Variants in CHRM3 observed in about 807,000 individuals in gnomAD.
CHRM3 encodes muscarinic acetylcholine receptor M3.
Under a neutral mutation model 41.8 loss-of-function variants are expected in CHRM3, and 11 were observed. The ratio of observed to expected loss-of-function variants is 0.26; its 90% CI spans 0.17 to 0.44. The LOEUF is 0.44. Ranked by LOEUF, CHRM3 falls within the 20% of genes least tolerant of loss-of-function variation. The pLI is 1.00. For missense variants in CHRM3, 571 were observed against 745.4 expected (o/e 0.77, Z 2.72); for synonymous variants, 297 against 301.4 (o/e 0.99, Z 0.15).
chr1:239,471,607 G>A lies in CHRM3; in HGVS notation c.-520-21102G>A, dbSNP rs550943631. 2.0e-5 allele frequency among the ~76,000 whole-genome samples: 3 copies of A among 152,272 alleles called. No individual in the cohort carries two copies. The East Asian group carries it at 5.8e-4, about 29-fold the overall frequency. On this transcript the variant is annotated intron_variant, in intron 1 of 6. Coordinates refer to ENST00000676153, the MANE Select transcript of CHRM3 (RefSeq NM_001375978.1). ...GGAAAATACTGGGTAGTGAGTGAGA[G>A]TAGGGGAAAGCATCTTCAAGATTTC...
At chr1:239,795,331 C>T (rs1189135758) in intron 5 of CHRM3, among the ~76,000 whole-genome samples, 2 of 152,148 alleles carry the variant, frequency 1.3e-5, no homozygotes, top group Non-Finnish European at 2.9e-5. Context: ...GTTTGTTTTT[C>T]TCAAGATCTT....
intron 5 of CHRM3, among the ~76,000 whole-genome samples, chr1:239,734,323 A>G (rs1664221800): frequency 6.6e-6 from 1 of 152,130 alleles, no homozygotes; most frequent in African/African-American, 2.4e-5. Flanking sequence ...GAAAGGACTC[A>G]GAGCCAACTT....
chr1:239,472,744 G>A (rs1666212343), intron 1 of CHRM3, among the ~76,000 whole-genome samples: 2 of 151,846 alleles, frequency 1.3e-5, no homozygotes, highest in African/African-American at 4.8e-5. Flanking sequence ...TGGAGGAGGG[G>A]GAGAGCAGTA....
intron 3 of CHRM3, among the ~76,000 whole-genome samples, chr1:239,566,355 A>G (rs1375375069): frequency 6.6e-6 from 1 of 152,238 alleles, no homozygotes; most frequent in Non-Finnish European, 1.5e-5. Flanking sequence ...CCAGCAAGAC[A>G]TTACTCACTT....
rs562945621 is a variant in CHRM3, at chr1:239,889,174, G to T, written c.-19-18259G>T. On this transcript the variant is annotated intron_variant, in intron 6 of 6. Coordinates refer to ENST00000676153, the MANE Select transcript of CHRM3 (RefSeq NM_001375978.1). ...CGGATCCACAGTGGAATGCAGGGGG[G>T]TTTATAGATGCCTGGTGAGGAGGTG... Among the ~76,000 whole-genome samples the T allele has an allele frequency of 1.3e-3, 193 of 152,258 alleles. 1 individual carries two copies. Among genetic ancestry groups the T allele is most frequent in the African/African-American group, 4.5e-3 (187 of 41,526 alleles).
intron 5 of CHRM3, among the ~76,000 whole-genome samples, chr1:239,684,342 G>A (rs1171935511): frequency 6.6e-6 from 1 of 152,092 alleles, no homozygotes; most frequent in African/African-American, 2.4e-5. Context: ...ATGTCTCAGG[G>A]ATTGCCTTAA....
Position 239,910,342 on chromosome 1 carries a change from CA to C in CHRM3, c.*1129del, listed in dbSNP as rs373028645. 624 of 142,532 alleles carry C rather than the reference CA, an allele frequency of 4.4e-3. 1 individual carries two copies. Among genetic ancestry groups the C allele is most frequent in the African/African-American group, 6.5e-3 (237 of 36,194 alleles). The allele number at this position is 142,532 out of a possible 1,614,324, so 8.8% of individuals were successfully genotyped here. ...GTGTATATATATATATATGGCAAAG[CA>C]AAAAAAAAAACATGGTAAGAGAGAA... On this transcript the variant is annotated 3_prime_UTR_variant, in exon 7 of 7. Coordinates refer to ENST00000676153, the MANE Select transcript of CHRM3 (RefSeq NM_001375978.1).
chr1:239,583,902 C>A (rs1336970491), intron 3 of CHRM3, among the ~76,000 whole-genome samples: 1 of 151,990 alleles, frequency 6.6e-6, no homozygotes, highest in Non-Finnish European at 1.5e-5. Flanking sequence ...TTATCCTACC[C>A]TGCTGGCCAG....
At chr1:239,766,708 G>C (rs1431661907) in intron 5 of CHRM3, among the ~76,000 whole-genome samples, 1 of 89,262 alleles carries the variant, frequency 1.1e-5, no homozygotes, top group Non-Finnish European at 3.2e-5. Context: ...TATAGATATA[G>C]ATATAGATAT....
Position 239,910,416 on chromosome 1 carries a change from A to T in CHRM3, c.*1192A>T, listed in dbSNP as rs945277125. On this transcript the variant is annotated 3_prime_UTR_variant, in exon 7 of 7. Transcript: ENST00000676153. Reference sequence around the variant, plus strand: ...TTCTTGCTGAATGGCACCTTCTCAAAGAAAATAGGGCTTGCACCTTTGTTA... The same window carrying T: ...TTCTTGCTGAATGGCACCTTCTCAATGAAAATAGGGCTTGCACCTTTGTTA... The T allele has an allele frequency of 6.0e-6, 1 of 166,416 alleles. No homozygotes were observed. The highest frequency in any genetic ancestry group is 1.5e-5 in the Non-Finnish European group (1 of 68,024). 10.3% of individuals were successfully genotyped at this position (166,416 alleles called of 1,614,324 possible).
chr1:239,689,550 T>C (rs924200311), intron 5 of CHRM3, among the ~76,000 whole-genome samples: 1 of 152,224 alleles, frequency 6.6e-6, no homozygotes, highest in African/African-American at 2.4e-5. Flanking sequence ...CAGTTATGCC[T>C]CAAATGTATT....
At chr1:239,743,771 CTTTTTCTTTTTT>C (rs1665075711) in intron 5 of CHRM3, among the ~76,000 whole-genome samples, 3 of 128,848 alleles carry the variant, frequency 2.3e-5, no homozygotes, top group South Asian at 2.6e-4. Context: ...TTTTCTTTTT[CTTTTTCTTTTTT>C]TTTTCTTTTT....
intron 3 of CHRM3, among the ~76,000 whole-genome samples, chr1:239,614,980 G>C (rs1667474531): frequency 2.6e-5 from 4 of 152,046 alleles, no homozygotes; most frequent in Admixed American, 2.6e-4. Flanking sequence ...ATTTATAAAA[G>C]GAAAATGGAA....
chr1:239,597,718 A>G (rs1454329076), intron 3 of CHRM3, among the ~76,000 whole-genome samples: 1 of 151,842 alleles, frequency 6.6e-6, no homozygotes, highest in African/African-American at 2.4e-5. Flanking sequence ...ATGCTTTAGT[A>G]ATTCTTAACT....
At chr1:239,479,567 G>A (rs892998394) in intron 1 of CHRM3, among the ~76,000 whole-genome samples, 1 of 152,134 alleles carries the variant, frequency 6.6e-6, no homozygotes, top group Non-Finnish European at 1.5e-5. Flanking sequence ...TTATTATTAG[G>A]TGAACAGCAT....
intron 5 of CHRM3, among the ~76,000 whole-genome samples, chr1:239,805,071 C>G (rs1011222943): frequency 6.6e-6 from 1 of 152,168 alleles, no homozygotes; most frequent in Non-Finnish European, 1.5e-5. Flanking sequence ...GTCATAATGA[C>G]AAGAGTAATA....
At chr1:239,722,879 G>T (rs1033394795) in intron 5 of CHRM3, among the ~76,000 whole-genome samples, 1 of 151,788 alleles carries the variant, frequency 6.6e-6, no homozygotes, top group Non-Finnish European at 1.5e-5. Context: ...ATATGAACAT[G>T]TATCAACTAG....
intron 3 of CHRM3, among the ~76,000 whole-genome samples, chr1:239,589,511 A>G (rs1321879082): frequency 6.7e-6 from 1 of 150,068 alleles, no homozygotes; most frequent in Non-Finnish European, 1.5e-5. Flanking sequence ...TTTCATGCAT[A>G]TGTATAAAAC....
chr1:239,538,054 G>A (rs1658382266), intron 2 of CHRM3, among the ~76,000 whole-genome samples: 1 of 152,178 alleles, frequency 6.6e-6, no homozygotes. Flanking sequence ...AGCTGAAAAG[G>A]TTGAAGGGGC....
Sources: gnomAD v4.1 joint callset for allele counts (sites outside exome capture counted in the v4.1 genomes callset) on GRCh38, gnomAD v4.1.1 for gene constraint, MANE v1.5 for transcripts, NCBI Gene and HGNC (gene_info 2026-07-23, HGNC 2026-07-21) for gene names.